The following GLIS3 variants were observed in gnomAD, a reference collection of about 807,000 sequenced individuals.
GLIS3 encodes GLIS family zinc finger 3, also known as zinc finger protein GLIS3.
GLIS3 carries 53 observed loss-of-function variants against 78.6 expected under a neutral mutation model. The ratio of observed to expected loss-of-function variants is 0.67; its 90% CI spans 0.54 to 0.85. The LOEUF (loss-of-function observed/expected upper bound fraction) is 0.85, where lower values mean the gene tolerates loss of function less well. Among genes scored for constraint, GLIS3 ranks in the 40% least tolerant of loss-of-function variants. The probability of loss-of-function intolerance (pLI) is 0.00; values close to 1 mark genes in which losing one functional copy is unlikely to be tolerated. For synonymous variants in GLIS3, 684 were observed against 509.9 expected (o/e 1.34, Z -4.60); for missense variants, 1,703 against 1,231.1 (o/e 1.38, Z -5.74).
intron 3 of GLIS3, among the ~76,000 whole-genome samples, chr9:4,120,971 T>C (rs918286780): frequency 1.3e-5 from 2 of 152,254 alleles, no homozygotes; most frequent in African/African-American, 4.8e-5. Context: ...TATGGCTCAA[T>C]CAAAATCTGC....
intron 2 of GLIS3, among the ~76,000 whole-genome samples, chr9:4,241,840 G>A (rs1484878988): frequency 6.6e-6 from 1 of 152,050 alleles, no homozygotes; most frequent in African/African-American, 2.4e-5. Flanking sequence ...GTACCACCAT[G>A]CCCAGCTAGT....
chr9:4,173,713 C>G (rs1816578655), intron 2 of GLIS3, among the ~76,000 whole-genome samples: 1 of 152,142 alleles, frequency 6.6e-6, no homozygotes, highest in Non-Finnish European at 1.5e-5. Flanking sequence ...CCTCCCACCA[C>G]AGCCTCCGGA....
chr9:4,145,748 C>T (rs1834176747), intron 2 of GLIS3, among the ~76,000 whole-genome samples: 1 of 151,850 alleles, frequency 6.6e-6, no homozygotes, highest in Admixed American at 6.6e-5. Flanking sequence ...CCTTTGTTCC[C>T]CCTCCCTCCC....
At chr9:4,426,933 T>C in the GLIS3 span, among the ~76,000 whole-genome samples, 1 of 152,306 alleles carries the variant, frequency 6.6e-6, no homozygotes, top group Non-Finnish European at 1.5e-5. Context: ...CTTATACACT[T>C]TTGCCCACAC....
At chr9:3,858,634 G>T (rs1306089670) in intron 8 of GLIS3, among the ~76,000 whole-genome samples, 1 of 151,902 alleles carries the variant, frequency 6.6e-6, no homozygotes, top group African/African-American at 2.4e-5. Context: ...CCCATATAAA[G>T]TATTAATAGA....
chr9:3,854,508 C>T (rs1819631957), intron 9 of GLIS3, among the ~76,000 whole-genome samples: 1 of 150,710 alleles, frequency 6.6e-6, no homozygotes, highest in Non-Finnish European at 1.5e-5. Context: ...TTAATATCAC[C>T]TCGTCTTTGC....
intron 8 of GLIS3, among the ~76,000 whole-genome samples, chr9:3,861,535 C>G (rs977621541): frequency 3.9e-4 from 4 of 10,256 alleles, no homozygotes; most frequent in African/African-American, 1.8e-3. Flanking sequence ...GGGAATCAAT[C>G]CAAATGCCCA....
the GLIS3 span, among the ~76,000 whole-genome samples, chr9:4,430,989 C>G: frequency 3.1e-3 from 477 of 152,120 alleles, 5 homozygotes; most frequent in African/African-American, 0.011. Flanking sequence ...TCTGGAAGAT[C>G]CTGGCACACA....
intron 4 of GLIS3, among the ~76,000 whole-genome samples, chr9:4,029,380 CAGGG>C (rs1823618964): frequency 6.6e-6 from 1 of 151,912 alleles, no homozygotes; most frequent in Non-Finnish European, 1.5e-5. Flanking sequence ...TGCGTTGATA[CAGGG>C]ATGTAATATA....
At chr9:4,397,410 T>C in the GLIS3 span, among the ~76,000 whole-genome samples, 1 of 151,948 alleles carries the variant, frequency 6.6e-6, no homozygotes, top group Non-Finnish European at 1.5e-5. Context: ...AACACATTAT[T>C]GTTCTTTGCT....
intron 4 of GLIS3, among the ~76,000 whole-genome samples, chr9:4,040,466 A>G (rs1824715654): frequency 6.6e-6 from 1 of 152,212 alleles, no homozygotes; most frequent in African/African-American, 2.4e-5. Context: ...ATAGAAAAGG[A>G]AGACATCCCC....
At chr9:4,092,870 T>C (rs1829641241) in intron 4 of GLIS3, among the ~76,000 whole-genome samples, 1 of 152,270 alleles carries the variant, frequency 6.6e-6, no homozygotes, top group Non-Finnish European at 1.5e-5. Context: ...TATTATGTGC[T>C]GTACATAACT....
rs1308399467 is a variant in GLIS3, at chr9:4,265,182, A to AG, written c.388+20855_388+20856insC. On this transcript the variant is annotated intron_variant, in intron 2 of 10. Coordinates refer to ENST00000381971, the MANE Select transcript of GLIS3 (RefSeq NM_001042413.2). Reference sequence around the variant, plus strand: ...GTGAGACGCCGTCTCAAAAAAAAAAAAAAAAAAGAAATAACAATCTTTTGC... The same window carrying AG: ...GTGAGACGCCGTCTCAAAAAAAAAAAGAAAAAAAGAAATAACAATCTTTTGC... 2.7e-5 allele frequency among the ~76,000 whole-genome samples: 4 copies of AG among 146,100 alleles called. 1 individual carries two copies. Among genetic ancestry groups the AG allele is most frequent in the East Asian group, 2.0e-4 (1 of 4,950 alleles).
chr9:4,321,301 A>G (rs1433760547), intron 2 of GLIS3, among the ~76,000 whole-genome samples: 2 of 131,542 alleles, frequency 1.5e-5, no homozygotes, highest in Non-Finnish European at 3.0e-5. Flanking sequence ...GGGCGCCTGT[A>G]GTCCCAGCTA....
intron 4 of GLIS3, among the ~76,000 whole-genome samples, chr9:4,085,180 C>A (rs1828914233): frequency 6.6e-6 from 1 of 152,090 alleles, no homozygotes; most frequent in African/African-American, 2.4e-5. Context: ...AGGAACACTC[C>A]TTGCTCAAAC....
chr9:4,091,212 T>G (rs1006515906), intron 4 of GLIS3, among the ~76,000 whole-genome samples: 1 of 151,786 alleles, frequency 6.6e-6, no homozygotes, highest in Admixed American at 6.6e-5. Context: ...TTTAAAATGT[T>G]AAAAATTAGC....
chr9:3,836,359 G>C (rs1023026661), intron 9 of GLIS3, among the ~76,000 whole-genome samples: 3 of 152,238 alleles, frequency 2.0e-5, no homozygotes, highest in African/African-American at 7.2e-5. Flanking sequence ...CTATAATTTT[G>C]TGGGTTACTA....
At chr9:4,125,590 C>T (rs555207486) in intron 3 of GLIS3, 144 bp downstream of exon 3, 2 of 729,070 alleles carry the variant, frequency 2.7e-6, no homozygotes, top group African/African-American at 1.7e-5. Context: ...TATTCCCCTA[C>T]AAACCTCAAA....
intron 4 of GLIS3, among the ~76,000 whole-genome samples, chr9:4,111,358 G>T (rs191002308): frequency 2.0e-5 from 3 of 152,138 alleles, no homozygotes; most frequent in African/African-American, 7.2e-5. Flanking sequence ...GAATCACAGG[G>T]CAAAGAAACA....
Sources: gnomAD v4.1 joint callset for allele counts (sites outside exome capture counted in the v4.1 genomes callset) on GRCh38, gnomAD v4.1.1 for gene constraint, MANE v1.5 for transcripts, NCBI Gene and HGNC (gene_info 2026-07-23, HGNC 2026-07-21) for gene names.